Variants in NAALADL2 observed in about 807,000 individuals in gnomAD.
NAALADL2 encodes the protein inactive N-acetylated-alpha-linked acidic dipeptidase-like protein 2.
Under a neutral mutation model 87.2 loss-of-function variants are expected in NAALADL2, and 76 were observed. The ratio of observed to expected loss-of-function variants is 0.87; its 90% CI spans 0.72 to 1.05. NAALADL2 has a LOEUF of 1.05. NAALADL2 is among the 50% of genes least tolerant of loss of function. NAALADL2 has a pLI of 0.00. For missense variants in NAALADL2, 1,089 were observed against 945.8 expected, an observed-to-expected ratio of 1.15 and a Z score of -1.99; for synonymous variants, 354 against 331.0, an observed-to-expected ratio of 1.07 and a Z score of -0.75.
intron 9 of NAALADL2, among the ~76,000 whole-genome samples, chr3:175,522,322 T>C (rs1037440765): frequency 1.3e-5 from 2 of 152,220 alleles, no homozygotes; most frequent in Non-Finnish European, 2.9e-5. Flanking sequence ...ATGCTCCTAA[T>C]ATATGAACAT....
At chr3:175,316,420 T>C (rs1016026775) in intron 4 of NAALADL2, among the ~76,000 whole-genome samples, 2 of 152,128 alleles carry the variant, frequency 1.3e-5, no homozygotes, top group African/African-American at 2.4e-5. Context: ...GGTTATGTCG[T>C]TGAGCATGGC....
chr3:175,288,535 A>G (rs1755259802), intron 4 of NAALADL2, among the ~76,000 whole-genome samples: 1 of 152,150 alleles, frequency 6.6e-6, no homozygotes. Context: ...AATCTTGTCT[A>G]TTTATCATTA....
intron 5 of NAALADL2, among the ~76,000 whole-genome samples, chr3:175,384,752 T>A (rs1768166523): frequency 6.6e-6 from 1 of 150,644 alleles, no homozygotes; most frequent in Non-Finnish European, 1.5e-5. Flanking sequence ...AATTTTTGTT[T>A]TATTTATTTA....
chr3:174,538,302 G>C (rs1022775828), intron 1 of NAALADL2, among the ~76,000 whole-genome samples: 4 of 152,014 alleles, frequency 2.6e-5, no homozygotes, highest in Non-Finnish European at 5.9e-5. Context: ...GTAAAAATTA[G>C]TTCCAGCCAG....
rs373272205 is a variant in NAALADL2, at chr3:174,507,987, T to G, written c.-183-42582T>G. On this transcript the variant is annotated intron_variant, in intron 1 of 3. Transcript: ENST00000434257. Reference sequence around the variant, plus strand: ...CTTTATAAAATAAAAAACTGCCAACTTGTTTTATAAATGTCTGAACCATTT... The same window carrying G: ...CTTTATAAAATAAAAAACTGCCAACGTGTTTTATAAATGTCTGAACCATTT... Among the ~76,000 whole-genome samples the G allele has an allele frequency of 4.8e-4, 73 of 152,250 alleles. 1 individual carries two copies. The East Asian group carries it at 0.01, about 21-fold the overall frequency.
At chr3:175,576,644 G>A (rs953065600) in intron 10 of NAALADL2, among the ~76,000 whole-genome samples, 6 of 152,084 alleles carry the variant, frequency 3.9e-5, no homozygotes, top group African/African-American at 1.4e-4. Context: ...TACTTTTTTT[G>A]TGAAGATGGA....
chr3:174,971,665 CTGTGTGTGTGTGTGTGTGTGTG>C (rs10662918), intron 1 of NAALADL2, among the ~76,000 whole-genome samples: 1 of 144,724 alleles, frequency 6.9e-6, no homozygotes, highest in Admixed American at 6.9e-5. Flanking sequence ...GTATGCTAGA[CTGTGTGTGTGTGTGTGTGTGTG>C]TGTGTGTGTG....
intron 1 of NAALADL2, among the ~76,000 whole-genome samples, chr3:175,002,617 A>T (rs1172002752): frequency 6.6e-6 from 1 of 152,202 alleles, no homozygotes; most frequent in African/African-American, 2.4e-5. Flanking sequence ...GCAGAAATTT[A>T]AGAAAAGACA....
At position 174,878,325 on chromosome 3, in the gene NAALADL2, T is replaced by A. The variant is rs560753116; in HGVS notation, c.43+18875T>A. 5.9e-5 allele frequency among the ~76,000 whole-genome samples: 9 copies of A among 152,162 alleles called. No homozygotes were observed. In the South Asian group the frequency reaches 8.3e-4, roughly 14 times the overall value. Reference sequence around the variant, plus strand: ...GTTAATGCCATTTTTTTCTGAGCAATTTTTTTCTCTACCTCAATGAGTCTA... The same window carrying A: ...GTTAATGCCATTTTTTTCTGAGCAAATTTTTTCTCTACCTCAATGAGTCTA... On this transcript the variant is annotated intron_variant, in intron 1 of 13. Transcript: ENST00000454872.
intron 1 of NAALADL2, among the ~76,000 whole-genome samples, chr3:175,002,410 G>A (rs989268153): frequency 6.6e-6 from 1 of 152,130 alleles, no homozygotes; most frequent in Non-Finnish European, 1.5e-5. Flanking sequence ...TAAAAGTGAT[G>A]AAGAGAAGTT....
chr3:174,986,140 A>C (rs906809842), intron 1 of NAALADL2, among the ~76,000 whole-genome samples: 1 of 151,698 alleles, frequency 6.6e-6, no homozygotes, highest in Admixed American at 6.6e-5. Flanking sequence ...TTAGCAATCA[A>C]GATTGCACCT....
At chr3:175,420,128 C>G (rs113284157) in intron 5 of NAALADL2, among the ~76,000 whole-genome samples, 1 of 151,858 alleles carries the variant, frequency 6.6e-6, no homozygotes, top group East Asian at 1.9e-4. Flanking sequence ...TATACAGATG[C>G]CCGCAGTTAG....
intron 10 of NAALADL2, among the ~76,000 whole-genome samples, chr3:175,586,206 A>T (rs946201855): frequency 2.0e-5 from 3 of 150,822 alleles, no homozygotes; most frequent in Admixed American, 6.6e-5. Context: ...CACAGCTTGT[A>T]TACACAGAAA....
chr3:175,720,613 A>G (rs1438819166), intron 11 of NAALADL2, among the ~76,000 whole-genome samples: 1 of 152,034 alleles, frequency 6.6e-6, no homozygotes, highest in Non-Finnish European at 1.5e-5. Context: ...TTGAAGATCA[A>G]ATCACAAATA....
At chr3:174,672,697 G>A (rs557304018) in intron 2 of NAALADL2, among the ~76,000 whole-genome samples, 2 of 152,126 alleles carry the variant, frequency 1.3e-5, no homozygotes, top group South Asian at 4.1e-4. Flanking sequence ...AAGATCTGAA[G>A]GTGCTCAGGG....
intron 5 of NAALADL2, among the ~76,000 whole-genome samples, chr3:175,425,246 G>T (rs1057023013): frequency 2.0e-5 from 3 of 152,042 alleles, no homozygotes; most frequent in African/African-American, 7.2e-5. Flanking sequence ...GTAACGTGAG[G>T]TTCTGTAGGA....
chr3:174,812,326 A>G (rs1404355511), intron 3 of NAALADL2, among the ~76,000 whole-genome samples: 1 of 152,160 alleles, frequency 6.6e-6, no homozygotes, highest in Non-Finnish European at 1.5e-5. Context: ...AAAACTTCCT[A>G]TAAGTGAGTA....
chr3:175,231,716 G>T (rs952717317), intron 2 of NAALADL2, among the ~76,000 whole-genome samples: 1 of 152,034 alleles, frequency 6.6e-6, no homozygotes, highest in South Asian at 2.1e-4. Flanking sequence ...ATATAAAGCA[G>T]TCTTCGCATT....
chr3:175,734,152 G>A (rs2150073197), intron 11 of NAALADL2, among the ~76,000 whole-genome samples: 1 of 152,292 alleles, frequency 6.6e-6, no homozygotes, highest in African/African-American at 2.4e-5. Context: ...ACTCTCTGTG[G>A]GGGCTCTGAC....
Sources: allele counts gnomAD v4.1 joint callset (sites outside exome capture counted in the v4.1 genomes callset), GRCh38; gene constraint gnomAD v4.1.1; transcripts MANE v1.5; gene names NCBI Gene and HGNC (gene_info 2026-07-23, HGNC 2026-07-21).